CACNA1D: variants seen among roughly 807,000 people sequenced by gnomAD.
CACNA1D encodes the protein voltage-dependent L-type calcium channel subunit alpha-1D.
A neutral mutation model predicts 257.1 loss-of-function variants in CACNA1D; 55 were observed. That is an observed-to-expected ratio of 0.21 (90% CI 0.17 to 0.27). The LOEUF (loss-of-function observed/expected upper bound fraction) is 0.27. Ranked by LOEUF, CACNA1D falls within the 10% of genes least tolerant of loss-of-function variation. CACNA1D has a pLI of 1.00. For synonymous variants in CACNA1D, 980 were observed against 1,014.9 expected, an observed-to-expected ratio of 0.97 and a Z score of 0.65; for missense variants, 1,876 against 2,784.0, an observed-to-expected ratio of 0.67 and a Z score of 7.34.
chr3:53,589,981 G>A (rs969142926), intron 3 of CACNA1D, among the ~76,000 whole-genome samples: 2 of 152,168 alleles, frequency 1.3e-5, no homozygotes, highest in Admixed American at 1.3e-4. Context: ...ATCACCCAGG[G>A]CCTGTTTTCC....
chr3:53,577,323 G>A (rs998409163), intron 3 of CACNA1D, among the ~76,000 whole-genome samples: 13 of 152,178 alleles, frequency 8.5e-5, no homozygotes, highest in African/African-American at 2.2e-4. Context: ...ATTCCAGGGG[G>A]TGCTGGGGAG....
Position 53,805,136 on chromosome 3 carries a change from C to T in CACNA1D, c.5739C>T (p.Pro1913=). The T allele has an allele frequency of 6.2e-7, 1 of 1,613,884 alleles. No individual in the cohort carries two copies. Among genetic ancestry groups the T allele is most frequent in the Non-Finnish European group, 8.5e-7 (1 of 1,180,010 alleles). ...CTCCAAGGAGACGCCTACTACCTCCCACCCCAGCATGTGAGGCCAGATTTT... is the reference window on the plus strand; with the variant it reads ...CTCCAAGGAGACGCCTACTACCTCCTACCCCAGCATGTGAGGCCAGATTTT... ...RRSPRRRLLP[P]TPASHRRSSF... is the part of the protein sequence containing the mutation. Residue 1913 remains proline, a synonymous_variant, in exon 45 of 48, where the codon CCC becomes CCT. Coordinates refer to ENST00000350061, the MANE Select transcript of CACNA1D (RefSeq NM_001128840.3).
intron 3 of CACNA1D, among the ~76,000 whole-genome samples, chr3:53,509,272 G>GCC (rs750296868): frequency 2.7e-5 from 4 of 145,778 alleles, no homozygotes; most frequent in African/African-American, 5.1e-5. Flanking sequence ...GAGCTCCACA[G>GCC]CCCCCTCTGT....
intron 29 of CACNA1D, 32 bp from the exon 30 acceptor site, chr3:53,761,966 C>T (rs2095305663): frequency 1.3e-6 from 2 of 1,482,372 alleles, no homozygotes; most frequent in South Asian, 1.1e-5. Context: ...CATACATGCT[C>T]ATAAACATCT....
intron 9 of CACNA1D, among the ~76,000 whole-genome samples, chr3:53,716,239 C>G (rs2125876): frequency 0.22 from 33,694 of 152,218 alleles, 4,097 homozygotes; most frequent in African/African-American, 0.28. Flanking sequence ...GAAAGTGAAG[C>G]CTGGAGAGAG....
chr3:53,683,065 G>C (rs182769854), intron 8 of CACNA1D, among the ~76,000 whole-genome samples: 2 of 152,174 alleles, frequency 1.3e-5, no homozygotes. Flanking sequence ...AGTGTTCAGG[G>C]CTGCTAAGAT....
chr3:53,811,717 G>T lies in CACNA1D; in HGVS notation c.*311G>T, dbSNP rs1198332755. ...CATTGTCCAGATGGGCACTGCTGTG[G>T]AGTCTGCTTCTCCCATGTACCAGGG... On this transcript the variant is annotated 3_prime_UTR_variant, in exon 48 of 48. Transcript: ENST00000350061. The surrounding 1 kb of genome is among the most constrained non-coding windows in gnomAD (Gnocchi z 4.2). 8.2e-6 allele frequency: 2 copies of T among 245,324 alleles called. No individual in the cohort carries two copies. Among genetic ancestry groups the T allele is most frequent in the Non-Finnish European group, 1.6e-5 (2 of 127,878 alleles). 15.2% of individuals were successfully genotyped at this position (245,324 alleles called of 1,614,324 possible).
At chr3:53,775,809 G>A in intron 34 of CACNA1D, 77 bp from the exon 35 acceptor site, 2 of 1,422,422 alleles carry the variant, frequency 1.4e-6, no homozygotes, top group Non-Finnish European at 2.0e-6. Context: ...CTAATTATGA[G>A]TTTTTCTCCC....
At chr3:53,615,894 T>G (rs1048844143) in intron 3 of CACNA1D, among the ~76,000 whole-genome samples, 8 of 152,234 alleles carry the variant, frequency 5.3e-5, no homozygotes, top group Non-Finnish European at 1.2e-4. Context: ...TTTTTGACAC[T>G]GTATCGATAG....
At chr3:53,773,432 A>G (rs1277938112) in intron 33 of CACNA1D, 1 of 169,732 alleles carries the variant, frequency 5.9e-6, no homozygotes, top group Non-Finnish European at 1.3e-5. Context: ...CCTGCCTAAC[A>G]GAGGAGCCCT....
At chr3:53,629,372 G>T (rs1240760563) in intron 3 of CACNA1D, among the ~76,000 whole-genome samples, 1 of 151,084 alleles carries the variant, frequency 6.6e-6, no homozygotes, top group Admixed American at 6.5e-5. Flanking sequence ...TTAAGAAAGT[G>T]ATCAGTTTAT....
chr3:53,554,748 C>T (rs1354742487), intron 3 of CACNA1D, among the ~76,000 whole-genome samples: 3 of 152,150 alleles, frequency 2.0e-5, no homozygotes, highest in African/African-American at 7.2e-5. Context: ...CATTTGTAAC[C>T]ACCCAGGGAC....
chr3:53,532,987 A>G (rs924715053), intron 3 of CACNA1D, among the ~76,000 whole-genome samples: 1 of 152,220 alleles, frequency 6.6e-6, no homozygotes, highest in Non-Finnish European at 1.5e-5. Context: ...CTGCACAGCC[A>G]GTGGGTGAGG....
intron 7 of CACNA1D, among the ~76,000 whole-genome samples, chr3:53,669,966 T>A (rs924355702): frequency 7.2e-5 from 11 of 152,128 alleles, no homozygotes; most frequent in African/African-American, 2.7e-4. Flanking sequence ...TTAGAGGAAA[T>A]TTTTTTTCCT....
chr3:53,562,738 G>C (rs367799382), intron 3 of CACNA1D, among the ~76,000 whole-genome samples: 17 of 152,302 alleles, frequency 1.1e-4, no homozygotes, highest in African/African-American at 4.1e-4. Flanking sequence ...ATTATGGAGT[G>C]CTGCTCCAGA....
At chr3:53,784,122 A>G (rs1576656017) in intron 39 of CACNA1D, among the ~76,000 whole-genome samples, 2 of 151,934 alleles carry the variant, frequency 1.3e-5, no homozygotes, top group African/African-American at 4.8e-5. Context: ...GGCTTGCTTC[A>G]CTCCCAGTGG....
In CACNA1D at chr3:53,730,548, G is replaced by A; in HGVS notation, c.2328G>A (p.Lys776=). 1 of 1,611,796 alleles carries A rather than the reference G, an allele frequency of 6.2e-7. No individual in the cohort carries two copies. Among genetic ancestry groups the A allele is most frequent in the Non-Finnish European group, 8.5e-7 (1 of 1,177,852 alleles). ...AAGCGGAAGAAAAGGAGAGGAAAAA[G>A]ATTGCCAGGTAACCCTATTTTCCCC... ...KEEAEEKERK[K]IARKESLENK... Residue 776 remains lysine, a synonymous_variant, in exon 16 of 48, where the codon AAG becomes AAA. Coordinates refer to ENST00000350061, the MANE Select transcript of CACNA1D (RefSeq NM_001128840.3).
intron 17 of CACNA1D, among the ~76,000 whole-genome samples, chr3:53,731,449 G>A (rs991156984): frequency 2.6e-5 from 4 of 152,178 alleles, no homozygotes; most frequent in South Asian, 2.1e-4. Context: ...TCAGGATCAC[G>A]TTAGCATCTT....
chr3:53,718,682 G>A lies in CACNA1D; in HGVS notation c.1478+294G>A, dbSNP rs2108684831. ...CCTGGCCACCTGCTGTGTCCATTAG[G>A]TGCTGGTGGAGACGGAGAGGCGCGG... On this transcript the variant is annotated intron_variant, in intron 10 of 47. Coordinates refer to ENST00000350061, the MANE Select transcript of CACNA1D (RefSeq NM_001128840.3). The A allele has an allele frequency of 1.9e-6, 3 of 1,555,824 alleles. No homozygotes were observed. The highest frequency in any genetic ancestry group is 1.9e-5 in the Admixed American group (1 of 51,588).
Sources: gnomAD v4.1 joint callset for allele counts (sites outside exome capture counted in the v4.1 genomes callset) on GRCh38, gnomAD v4.1.1 for gene constraint, Gnocchi (gnomAD v3.1) non-coding constraint, MANE v1.5 for transcripts, NCBI Gene and HGNC (gene_info 2026-07-23, HGNC 2026-07-21) for gene names.